EFNA5: variants seen among roughly 807,000 people sequenced by gnomAD.
EFNA5 encodes the protein ephrin-A5.
EFNA5 carries 5 observed loss-of-function variants against 22.9 expected under a neutral mutation model. That is an observed-to-expected ratio of 0.22 (90% confidence interval 0.11 to 0.46). The LOEUF is 0.46. Among genes scored for constraint, EFNA5 ranks in the 20% least tolerant of loss-of-function variants. EFNA5 has a pLI of 0.99. For synonymous variants in EFNA5, 113 were observed against 112.2 expected, an observed-to-expected ratio of 1.01 and a Z score of -0.04; for missense variants, 237 against 293.3, an observed-to-expected ratio of 0.81 and a Z score of 1.40.
chr5:107,572,976 A>G (rs767982493), intron 1 of EFNA5, among the ~76,000 whole-genome samples: 3 of 152,152 alleles, frequency 2.0e-5, no homozygotes, highest in Non-Finnish European at 4.4e-5. Context: ...TCAATTGGAG[A>G]CGCTTACTTA....
intron 1 of EFNA5, among the ~76,000 whole-genome samples, chr5:107,466,640 A>C (rs1183370006): frequency 6.6e-6 from 1 of 152,154 alleles, no homozygotes; most frequent in African/African-American, 2.4e-5. Flanking sequence ...TGTCACAGTT[A>C]ATGAAGTCAG....
intron 2 of EFNA5, among the ~76,000 whole-genome samples, chr5:107,410,640 C>A (rs936998462): frequency 6.6e-6 from 1 of 152,122 alleles, no homozygotes. Flanking sequence ...TACACAGTAT[C>A]ATATTTAAGG....
chr5:107,382,478 T>C (rs1416853256), intron 4 of EFNA5, among the ~76,000 whole-genome samples: 2 of 152,172 alleles, frequency 1.3e-5, no homozygotes, highest in African/African-American at 4.8e-5. Context: ...GCTCAAGCAA[T>C]CCTCCTGCCT....
chr5:107,513,519 C>T (rs1747416777), intron 1 of EFNA5, among the ~76,000 whole-genome samples: 1 of 152,052 alleles, frequency 6.6e-6, no homozygotes, highest in Admixed American at 6.6e-5. Context: ...GTATGCTGGG[C>T]AGATGTTAGA....
intron 1 of EFNA5, among the ~76,000 whole-genome samples, chr5:107,633,655 T>C (rs1750308914): frequency 6.6e-6 from 1 of 152,182 alleles, no homozygotes; most frequent in Non-Finnish European, 1.5e-5. Flanking sequence ...CTTTTATCAG[T>C]GACAGGAGGC....
intron 1 of EFNA5, among the ~76,000 whole-genome samples, chr5:107,626,782 T>C (rs574491572): frequency 2.0e-5 from 3 of 152,320 alleles, no homozygotes; most frequent in African/African-American, 4.8e-5. Context: ...AGATTTAAGT[T>C]TGGTTTTGAT....
intron 1 of EFNA5, among the ~76,000 whole-genome samples, chr5:107,478,279 C>A (rs955074993): frequency 6.6e-6 from 1 of 152,182 alleles, no homozygotes; most frequent in African/African-American, 2.4e-5. Flanking sequence ...AAGACCTAGG[C>A]GAGTAATATT....
chr5:107,459,188 G>C (rs1749772392), intron 1 of EFNA5, among the ~76,000 whole-genome samples: 1 of 152,076 alleles, frequency 6.6e-6, no homozygotes, highest in South Asian at 2.1e-4. Context: ...GAGGTCTGAA[G>C]TTTGAGACCA....
At chr5:107,481,481 T>G (rs1285187298) in intron 1 of EFNA5, among the ~76,000 whole-genome samples, 1 of 152,254 alleles carries the variant, frequency 6.6e-6, no homozygotes, top group Non-Finnish European at 1.5e-5. Context: ...TGATTCATTC[T>G]GACCAGGAGA....
chr5:107,543,207 C>T (rs990987285), intron 1 of EFNA5, among the ~76,000 whole-genome samples: 5 of 152,152 alleles, frequency 3.3e-5, no homozygotes, highest in African/African-American at 7.2e-5. Context: ...GCCTCCACTC[C>T]GACAGGAGCT....
chr5:107,638,896 T>A (rs1202101356), intron 1 of EFNA5, among the ~76,000 whole-genome samples: 1 of 152,224 alleles, frequency 6.6e-6, no homozygotes, highest in Non-Finnish European at 1.5e-5. Context: ...TAGCTTGCTT[T>A]AGCCATTCTA....
intron 1 of EFNA5, among the ~76,000 whole-genome samples, chr5:107,440,343 T>C (rs1749223610): frequency 6.6e-6 from 1 of 152,230 alleles, no homozygotes; most frequent in South Asian, 2.1e-4. Context: ...ATAGTTGTTT[T>C]TCTTTTTCCA....
At chr5:107,628,113 G>A (rs561306148) in intron 1 of EFNA5, among the ~76,000 whole-genome samples, 1 of 152,086 alleles carries the variant, frequency 6.6e-6, no homozygotes, top group African/African-American at 2.4e-5. Context: ...CTGTGAGATA[G>A]GTATTGTTAT....
chr5:107,397,085 A>ATT (rs1168081880), intron 2 of EFNA5, among the ~76,000 whole-genome samples: 2 of 142,436 alleles, frequency 1.4e-5, no homozygotes, highest in African/African-American at 5.5e-5. Flanking sequence ...CCACTCTTTA[A>ATT]TTTTTTTTTT....
chr5:107,489,662 C>T (rs1304369180), intron 1 of EFNA5, among the ~76,000 whole-genome samples: 1 of 149,080 alleles, frequency 6.7e-6, no homozygotes, highest in Admixed American at 6.7e-5. Flanking sequence ...CCCCACCTAC[C>T]CCCCCCACCA....
At chr5:107,561,566 C>T (rs1580531349) in intron 1 of EFNA5, among the ~76,000 whole-genome samples, 1 of 152,206 alleles carries the variant, frequency 6.6e-6, no homozygotes, top group African/African-American at 2.4e-5. Flanking sequence ...GATGGGGTTT[C>T]ACCATGTTGG....
At chr5:107,640,656 A>C (rs1181012616) in intron 1 of EFNA5, among the ~76,000 whole-genome samples, 1 of 152,242 alleles carries the variant, frequency 6.6e-6, no homozygotes, top group African/African-American at 2.4e-5. Flanking sequence ...AGAGGAATAC[A>C]TGGAGGCAGC....
At chr5:107,555,859 CA>C (rs1201473096) in intron 1 of EFNA5, among the ~76,000 whole-genome samples, 1 of 152,204 alleles carries the variant, frequency 6.6e-6, no homozygotes, top group Non-Finnish European at 1.5e-5. Context: ...GCTGAAAAAG[CA>C]GGATGAGCTT....
chr5:107,463,560 G>T (rs187450303), intron 1 of EFNA5, among the ~76,000 whole-genome samples: 1 of 151,934 alleles, frequency 6.6e-6, no homozygotes, highest in African/African-American at 2.4e-5. Context: ...TAAAACACTC[G>T]GATTCAGTAA....
Sources: allele counts gnomAD v4.1 joint callset (sites outside exome capture counted in the v4.1 genomes callset), GRCh38; gene constraint gnomAD v4.1.1; transcripts MANE v1.5; gene names NCBI Gene and HGNC (gene_info 2026-07-23, HGNC 2026-07-21).